Variants in ANKFY1 observed in about 807,000 individuals in gnomAD.
ANKFY1 encodes ankyrin repeat and FYVE domain containing 1.
In ANKFY1, 47 loss-of-function variants were observed where a neutral mutation model predicts 128.3. The observed-to-expected ratio is 0.37, with a 90% CI of 0.29 to 0.47. The LOEUF is 0.47. ANKFY1 is among the 20% of genes least tolerant of loss of function. The pLI is 1.00. For synonymous variants in ANKFY1, 553 were observed against 601.6 expected (o/e 0.92, Z 1.18); for missense variants, 1,222 against 1,510.6 (o/e 0.81, Z 3.17).
At chr17:4,208,108 GCAGAACAGACA>G in intron 5 of ANKFY1, 26 bp from the exon 6 acceptor site, 1 of 1,580,950 alleles carries the variant, frequency 6.3e-7, no homozygotes, top group Non-Finnish European at 8.6e-7. Context: ...ACAGTGAAAA[GCAGAACAGACA>G]CAAGGCAATG....
chr17:4,257,956 A>G (rs916792882), intron 1 of ANKFY1, among the ~76,000 whole-genome samples: 4 of 152,252 alleles, frequency 2.6e-5, no homozygotes, highest in African/African-American at 7.2e-5. Context: ...AATTGCCTAC[A>G]GCAAATCACC....
At chr17:4,242,750 A>G (rs1368124012) in intron 1 of ANKFY1, among the ~76,000 whole-genome samples, 4 of 152,216 alleles carry the variant, frequency 2.6e-5, no homozygotes, top group Non-Finnish European at 4.4e-5. Flanking sequence ...AAAAAGAAAA[A>G]AAAAGAATGG....
In ANKFY1 at chr17:4,167,863, A is replaced by T; in HGVS notation, c.3426T>A (p.Ile1142=). Residue 1142 remains isoleucine (I), a synonymous_variant, in exon 25 of 25, where the codon ATT becomes ATA. Coordinates refer to ENST00000341657, the MANE Select transcript of ANKFY1 (RefSeq NM_001330063.2). This position sits in a 1 kb window ranked among gnomAD's most constrained non-coding sequence, Gnocchi z 4.1. The part of the protein sequence containing the change: ...LLCHKCSTKE[I]PIIKFDLNKP... ...TGTTCAGATCAAACTTTATAATAGG[A>T]ATCTCCTTGGTCGAGCATTTATGGC... The T allele has an allele frequency of 6.2e-7, 1 of 1,614,006 alleles. No homozygotes were observed. Among genetic ancestry groups the T allele is most frequent in the Non-Finnish European group, 8.5e-7 (1 of 1,179,928 alleles).
intron 1 of ANKFY1, among the ~76,000 whole-genome samples, chr17:4,255,943 G>A (rs113244170): frequency 1.3e-5 from 2 of 151,798 alleles, no homozygotes; most frequent in Non-Finnish European, 1.5e-5. Context: ...TCAGCCTCCC[G>A]AATAGCTAGG....
chr17:4,233,388 C>T (rs1199567999), intron 3 of ANKFY1, among the ~76,000 whole-genome samples: 1 of 152,144 alleles, frequency 6.6e-6, no homozygotes, highest in African/African-American at 2.4e-5. Context: ...AAAGCTATCC[C>T]TCGAGATTTC....
At chr17:4,255,367 C>G (rs1414980643) in intron 1 of ANKFY1, among the ~76,000 whole-genome samples, 1 of 151,670 alleles carries the variant, frequency 6.6e-6, no homozygotes, top group Non-Finnish European at 1.5e-5. Context: ...CTGCCTCAGC[C>G]TCCTGAAGCA....
chr17:4,205,044 C>T (rs1001421936), intron 7 of ANKFY1, among the ~76,000 whole-genome samples: 9 of 152,246 alleles, frequency 5.9e-5, no homozygotes, highest in Non-Finnish European at 1.2e-4. Context: ...CTTGATGTAA[C>T]TACATTCCAC....
intron 11 of ANKFY1, chr17:4,187,390 C>A (rs1160365112): frequency 2.5e-6 from 1 of 397,682 alleles, no homozygotes; most frequent in Non-Finnish European, 4.4e-6. Context: ...CCACGGCACA[C>A]CCACCATGCC....
chr17:4,227,673 C>G (rs2060447292), intron 3 of ANKFY1, among the ~76,000 whole-genome samples: 1 of 152,066 alleles, frequency 6.6e-6, no homozygotes, highest in Admixed American at 6.6e-5. Flanking sequence ...ACTCAATACT[C>G]AAAACTCAAT....
intron 1 of ANKFY1, among the ~76,000 whole-genome samples, chr17:4,262,575 C>T (rs541340127): frequency 1.1e-4 from 17 of 151,904 alleles, no homozygotes; most frequent in Admixed American, 7.2e-4. Context: ...ACCTTGTCTA[C>T]ACACACACAC....
chr17:4,244,331 CTA>C (rs1200284756), intron 1 of ANKFY1, among the ~76,000 whole-genome samples: 1 of 152,124 alleles, frequency 6.6e-6, no homozygotes, highest in Admixed American at 6.5e-5. Flanking sequence ...GTAAAAACAG[CTA>C]TGAGAGCCTA....
At chr17:4,175,106 G>A (rs969995121) in intron 19 of ANKFY1, among the ~76,000 whole-genome samples, 2 of 151,010 alleles carry the variant, frequency 1.3e-5, no homozygotes, top group South Asian at 2.1e-4. Context: ...ACTGAGGCGG[G>A]CGGATTGCTT....
intron 4 of ANKFY1, among the ~76,000 whole-genome samples, chr17:4,210,236 G>A (rs960651239): frequency 1.1e-4 from 16 of 152,260 alleles, no homozygotes; most frequent in East Asian, 1.9e-4. Flanking sequence ...TACGACACCC[G>A]CTGATCACAC....
intron 1 of ANKFY1, among the ~76,000 whole-genome samples, chr17:4,253,134 T>G (rs574139322): frequency 6.6e-6 from 1 of 152,090 alleles, no homozygotes; most frequent in Non-Finnish European, 1.5e-5. Flanking sequence ...GGCAGGAGAA[T>G]CGCTTGAACC....
At chr17:4,244,846 C>T (rs1489562903) in intron 1 of ANKFY1, among the ~76,000 whole-genome samples, 2 of 152,106 alleles carry the variant, frequency 1.3e-5, no homozygotes, top group African/African-American at 4.8e-5. Flanking sequence ...CACCTGGGTC[C>T]TGCTAGTCAG....
At chr17:4,221,478 C>T (rs1030849282) in intron 3 of ANKFY1, among the ~76,000 whole-genome samples, 1 of 152,216 alleles carries the variant, frequency 6.6e-6, no homozygotes, top group African/African-American at 2.4e-5. Flanking sequence ...TCCCAAAGTG[C>T]TGGTATTACA....
rs539303344 is a variant in ANKFY1 at position 4,169,421 on chromosome 17, G to A, written c.3287-133C>T. On this transcript the variant is annotated intron_variant, in intron 23 of 24. Coordinates refer to ENST00000341657, the MANE Select transcript of ANKFY1 (RefSeq NM_001330063.2). The surrounding 1 kb of genome is among the most constrained non-coding windows in gnomAD (Gnocchi z 5.0). ...CACATGACATAGGTGACGAAGGAGC[G>A]ATAGGTTCTAAGTGGTTCAGGGCCA... 23 of 674,700 alleles carry A rather than the reference G, an allele frequency of 3.4e-5. No individual in the cohort carries two copies. The highest frequency in any genetic ancestry group is 2.4e-4 in the Admixed American group (10 of 42,234). The allele number at this position is 674,700 out of a possible 1,614,324, so 41.8% of individuals were successfully genotyped here.
intron 3 of ANKFY1, among the ~76,000 whole-genome samples, chr17:4,219,488 C>G (rs1465378263): frequency 6.6e-6 from 1 of 152,112 alleles, no homozygotes; most frequent in African/African-American, 2.4e-5. Flanking sequence ...TTTCAGAAAC[C>G]GTACTTGATT....
chr17:4,228,416 AG>A (rs1441288091), intron 3 of ANKFY1, among the ~76,000 whole-genome samples: 3 of 134,474 alleles, frequency 2.2e-5, no homozygotes, highest in Admixed American at 7.9e-5. Flanking sequence ...GTTTTTTGTT[AG>A]TTTTTTTTTT....
Sources: allele counts gnomAD v4.1 joint callset (sites outside exome capture counted in the v4.1 genomes callset), GRCh38; gene constraint gnomAD v4.1.1; non-coding constraint Gnocchi (gnomAD v3.1); transcripts MANE v1.5; gene names NCBI Gene and HGNC (gene_info 2026-07-23, HGNC 2026-07-21).